The following ADH6 variants were observed in gnomAD, a reference collection of about 807,000 sequenced individuals.
ADH6 encodes the protein alcohol dehydrogenase 6.
In ADH6, 34 loss-of-function variants were observed where a neutral mutation model predicts 36.5. The observed-to-expected ratio is 0.93, with a 90% CI of 0.71 to 1.24. The LOEUF (loss-of-function observed/expected upper bound fraction) is 1.24. Ranked by LOEUF, ADH6 falls within the 50% of genes most tolerant of loss-of-function variation. The pLI, the probability that ADH6 is intolerant of heterozygous loss-of-function variation, is 0.00. For missense variants in ADH6, 440 were observed against 447.0 expected (o/e 0.98, Z 0.14); for synonymous variants, 161 against 155.5 (o/e 1.04, Z -0.26).
Position 99,208,850 on chromosome 4 carries a change from CT to C in ADH6, c.645del (p.Gly216GlufsTer32). On this transcript the variant is annotated frameshift_variant, in exon 6 of 9. Transcript: ENST00000394899. LOFTEE classifies it high-confidence loss of function. The part of the protein sequence containing the change: ...GLSVVMGCKA[A>X]GAARIIGVDV... ...TCCACTCCAATGATCCTGGCTGCTC[CT>C]GCTGCTTTACAACCCATGACAACAG... 1 of 1,613,780 alleles carries C rather than the reference CT, an allele frequency of 6.2e-7. No individual in the cohort carries two copies. The highest frequency in any genetic ancestry group is 8.5e-7 in the Non-Finnish European group (1 of 1,179,794).
At chr4:99,212,174 G>C (rs1461487293) in intron 3 of ADH6, among the ~76,000 whole-genome samples, 1 of 152,078 alleles carries the variant, frequency 6.6e-6, no homozygotes, top group Non-Finnish European at 1.5e-5. Context: ...TTGTGTCCAA[G>C]AATATATAAA....
chr4:99,212,110 G>GAA (rs758363055), intron 3 of ADH6, among the ~76,000 whole-genome samples: 11 of 152,098 alleles, frequency 7.2e-5, no homozygotes, highest in Non-Finnish European at 1.6e-4. Flanking sequence ...AGCAGCAATA[G>GAA]AAAATGAGTA....
At chr4:99,205,157 T>C in intron 7 of ADH6, 94 bp from the exon 8 acceptor site, 1 of 1,361,916 alleles carries the variant, frequency 7.3e-7, no homozygotes, top group Non-Finnish European at 9.8e-7. Flanking sequence ...TGGCTTTGAC[T>C]GAGAAAATCT....
chr4:99,213,239 G>A (rs1464555026), intron 3 of ADH6, among the ~76,000 whole-genome samples: 1 of 152,032 alleles, frequency 6.6e-6, no homozygotes, highest in Non-Finnish European at 1.5e-5. Context: ...TTCAATTCTG[G>A]ACTGCTTCTT....
In ADH6 at chr4:99,216,188, T is replaced by C. The variant is rs140047254; in HGVS notation, c.93A>G (p.Pro31=). Reference sequence around the variant, plus strand: ...TTATGCGAACTTCCTTTGCCTTTGGTGGGGCCACTTCTACCTCTTCAATAG... The same window carrying C: ...TTATGCGAACTTCCTTTGCCTTTGGCGGGGCCACTTCTACCTCTTCAATAG... ...PFSIEEVEVA[P]PKAKEVRIKV... The change falls in exon 2 of 9, where the codon CCA becomes CCG. Residue 31 remains proline, a synonymous_variant. Transcript: ENST00000394899. 22 of 1,518,350 alleles carry C rather than the reference T, an allele frequency of 1.4e-5. No individual in the cohort carries two copies. The African/African-American group carries it at 3.2e-4, about 22-fold the overall frequency. The allele number at this position is 1,518,350 out of a possible 1,614,324, so 94.1% of individuals were successfully genotyped here.
chr4:99,207,603 C>G (rs752619270), intron 6 of ADH6, 22 bp from the exon 7 acceptor site: 1 of 1,610,472 alleles, frequency 6.2e-7, no homozygotes, highest in Non-Finnish European at 8.5e-7. Flanking sequence ...TGATGCAATA[C>G]AGTATAGGGG....
chr4:99,206,471 A>G (rs1220166774), intron 7 of ADH6, among the ~76,000 whole-genome samples: 1 of 152,134 alleles, frequency 6.6e-6, no homozygotes. Flanking sequence ...TAAATACAAT[A>G]GAGAGAAATG....
rs747415738 is a variant in ADH6 at position 99,210,397 on chromosome 4, ATAT to A, written c.350+15_350+17del. 1.4e-5 allele frequency: 22 copies of A among 1,600,016 alleles called. 1 individual carries two copies. The South Asian group carries it at 2.3e-4, about 17-fold the overall frequency. ...AGTGAATTAAGTTTTCAAAAAGAAAATATTAGTAAAAACTTACTTGAATTGTAT... is the reference window on the plus strand; with the variant it reads ...AGTGAATTAAGTTTTCAAAAAGAAAATAGTAAAAACTTACTTGAATTGTAT... On this transcript the variant is annotated intron_variant, in intron 4 of 8. Transcript: ENST00000394899.
chr4:99,202,832 G>C lies in ADH6; in HGVS notation c.*1387C>G. The C allele has an allele frequency of 2.5e-6, 1 of 397,916 alleles. No individual in the cohort carries two copies. Among genetic ancestry groups the C allele is most frequent in the Non-Finnish European group, 4.4e-6 (1 of 225,554 alleles). 24.6% of individuals were successfully genotyped at this position (397,916 alleles called of 1,614,324 possible). ...AAATAGAAGAGCAGAGCAGAGTTGG[G>C]CATGGAGGCTCCAGCTCAGACTTGG... On this transcript the variant is annotated 3_prime_UTR_variant, in exon 9 of 9. Coordinates refer to ENST00000394899, the MANE Select transcript of ADH6 (RefSeq NM_001102470.2).
intron 7 of ADH6, among the ~76,000 whole-genome samples, chr4:99,206,948 A>G (rs1731057821): frequency 6.6e-6 from 1 of 152,128 alleles, no homozygotes; most frequent in South Asian, 2.1e-4. Flanking sequence ...TCCTCTGGGT[A>G]AAATAATTCT....
chr4:99,202,765 A>T lies in ADH6; in HGVS notation c.*1454T>A. ...CCAAGTTCTCACTGTTAGTAAGGTCAATTTGGGGGCAGAACAGGAACATGC... is the reference window on the plus strand; with the variant it reads ...CCAAGTTCTCACTGTTAGTAAGGTCTATTTGGGGGCAGAACAGGAACATGC... On this transcript the variant is annotated 3_prime_UTR_variant, in exon 9 of 9. Coordinates refer to ENST00000394899, the MANE Select transcript of ADH6 (RefSeq NM_001102470.2). The T allele has an allele frequency of 2.5e-6, 1 of 398,262 alleles. No homozygotes were observed. 24.7% of individuals were successfully genotyped at this position (398,262 alleles called of 1,614,324 possible). A position where few individuals can be genotyped will look rare whatever the true frequency, so the allele number is the denominator to read the frequency against.
intron 8 of ADH6, 48 bp downstream of exon 8, chr4:99,204,877 T>C (rs766999982): frequency 5.8e-6 from 9 of 1,559,342 alleles, no homozygotes; most frequent in Non-Finnish European, 7.8e-6. Flanking sequence ...ATACACCCTT[T>C]CTCTTGGTCT....
Position 99,203,012 on chromosome 4 carries a change from C to T in ADH6, c.*1207G>A. 1 of 389,778 alleles carries T rather than the reference C, an allele frequency of 2.6e-6. No individual in the cohort carries two copies. Among genetic ancestry groups the T allele is most frequent in the Non-Finnish European group, 4.5e-6 (1 of 220,668 alleles). The allele number at this position is 389,778 out of a possible 1,614,324, so 24.1% of individuals were successfully genotyped here. ...AGAGTCCTTTGATATCATGTGAAAA[C>T]CATGATGGGAGAGAGAGACTGAGGG... is the stretch of plus-strand genomic sequence containing the variant. On this transcript the variant is annotated 3_prime_UTR_variant, in exon 9 of 9. Coordinates refer to ENST00000394899, the MANE Select transcript of ADH6 (RefSeq NM_001102470.2).
chr4:99,208,416 G>A, intron 6 of ADH6: 1 of 370,844 alleles, frequency 2.7e-6, no homozygotes, highest in Non-Finnish European at 4.8e-6. Flanking sequence ...GATTTATAAG[G>A]TCATTAATCA....
intron 7 of ADH6, among the ~76,000 whole-genome samples, chr4:99,205,591 G>T (rs1454963613): frequency 6.6e-6 from 1 of 152,086 alleles, no homozygotes; most frequent in Non-Finnish European, 1.5e-5. Context: ...AGAATAAAAT[G>T]TGCTTTCTGG....
chr4:99,216,912 G>C (rs369766050), intron 1 of ADH6, among the ~76,000 whole-genome samples: 3 of 152,232 alleles, frequency 2.0e-5, no homozygotes, highest in East Asian at 3.9e-4. Context: ...AATGTGTAGT[G>C]ACCAAGTAAG....
At chr4:99,216,135 ATT>A (rs34008565) in intron 2 of ADH6, 24 bp downstream of exon 2, 101,234 of 843,982 alleles carry the variant, frequency 0.12, 8 homozygotes, top group Non-Finnish European at 0.13. Context: ...TTTTGGTGTG[ATT>A]TTTTTTTTTT....
In ADH6 at chr4:99,216,181, C is replaced by A; in HGVS notation, c.100G>T (p.Ala34Ser). Reference sequence around the variant, plus strand: ...TTTACCTTTATGCGAACTTCCTTTGCCTTTGGTGGGGCCACTTCTACCTCT... The same window carrying A: ...TTTACCTTTATGCGAACTTCCTTTGACTTTGGTGGGGCCACTTCTACCTCT... The part of the protein sequence containing the change: ...IEEVEVAPPK[A>S]KEVRIKVVAT... Residue 34 changes from alanine to serine, a missense_variant, in exon 2 of 9, where the codon GCA becomes TCA. Coordinates refer to ENST00000394899, the MANE Select transcript of ADH6 (RefSeq NM_001102470.2). The A allele has an allele frequency of 1.4e-6, 2 of 1,400,336 alleles. No homozygotes were observed. The highest frequency in any genetic ancestry group is 1.9e-6 in the Non-Finnish European group (2 of 1,063,986). The allele number at this position is 1,400,336 out of a possible 1,614,324, so 86.7% of individuals were successfully genotyped here. A position where few individuals can be genotyped will look rare whatever the true frequency, so the allele number is the denominator to read the frequency against.
At chr4:99,214,236 A>G (rs1560808540) in intron 2 of ADH6, among the ~76,000 whole-genome samples, 1 of 152,114 alleles carries the variant, frequency 6.6e-6, no homozygotes, top group African/African-American at 2.4e-5. Context: ...TACAATAAAT[A>G]AACAAATTAG....
Sources: gnomAD v4.1 joint callset for allele counts (sites outside exome capture counted in the v4.1 genomes callset) on GRCh38, gnomAD v4.1.1 for gene constraint, MANE v1.5 for transcripts, NCBI Gene and HGNC (gene_info 2026-07-23, HGNC 2026-07-21) for gene names.